RAB10: variants seen among roughly 807,000 people sequenced by gnomAD.
RAB10 encodes the protein RAB10, member RAS oncogene family.
A neutral mutation model predicts 25.7 loss-of-function variants in RAB10; 5 were observed. That is an observed-to-expected ratio of 0.19 (90% confidence interval 0.10 to 0.41). RAB10 has a LOEUF of 0.41. Among genes scored for constraint, RAB10 ranks in the 10% least tolerant of loss-of-function variants. RAB10 has a pLI of 1.00. For synonymous variants in RAB10, 89 were observed against 86.4 expected (o/e 1.03, Z -0.16); for missense variants, 103 against 245.8 (o/e 0.42, Z 3.89).
Position 26,135,141 on chromosome 2 carries a change from C to A in RAB10, c.*120C>A. On this transcript the variant is annotated 3_prime_UTR_variant, in exon 6 of 6. Coordinates refer to ENST00000264710, the MANE Select transcript of RAB10 (RefSeq NM_016131.5). Reference sequence around the variant, plus strand: ...ATTTTTGTTTCTCATCTTAACTATCCAAGCCACCTATTTTATTTGTTCTTT... The same window carrying A: ...ATTTTTGTTTCTCATCTTAACTATCAAAGCCACCTATTTTATTTGTTCTTT... 7.6e-6 allele frequency: 5 copies of A among 654,790 alleles called. No individual in the cohort carries two copies. The highest frequency in any genetic ancestry group is 1.2e-5 in the Non-Finnish European group (5 of 418,768). 40.6% of individuals were successfully genotyped at this position (654,790 alleles called of 1,614,324 possible). A position where few individuals can be genotyped will look rare whatever the true frequency, so the allele number is the denominator to read the frequency against.
chr2:26,075,243 T>C (rs11680699), intron 1 of RAB10, among the ~76,000 whole-genome samples: 1 of 152,314 alleles, frequency 6.6e-6, no homozygotes, highest in South Asian at 2.1e-4. Flanking sequence ...TCTCTTTTTT[T>C]CCCAGTCATA....
Position 26,135,059 on chromosome 2 carries a change from G to A in RAB10, c.*38G>A, listed in dbSNP as rs370145200. The A allele has an allele frequency of 2.0e-5, 30 of 1,515,830 alleles. No individual in the cohort carries two copies. The East Asian group carries it at 2.1e-4, about 10-fold the overall frequency. The allele number at this position is 1,515,830 out of a possible 1,614,324, so 93.9% of individuals were successfully genotyped here. On this transcript the variant is annotated 3_prime_UTR_variant, in exon 6 of 6. Coordinates refer to ENST00000264710, the MANE Select transcript of RAB10 (RefSeq NM_016131.5). ...TCCATCAGTTGCCATCCACTACCCC[G>A]TTTTCTCTTCTTGCTGCAAAATAAA...
intron 2 of RAB10, among the ~76,000 whole-genome samples, chr2:26,106,624 G>A (rs1183021845): frequency 1.3e-5 from 2 of 152,178 alleles, no homozygotes; most frequent in Non-Finnish European, 2.9e-5. Context: ...GGTGGCTCAC[G>A]CCTATAACCC....
chr2:26,083,781 A>G (rs776054128), intron 1 of RAB10, among the ~76,000 whole-genome samples: 6 of 152,134 alleles, frequency 3.9e-5, no homozygotes, highest in Non-Finnish European at 5.9e-5. Context: ...GGCCCCACAA[A>G]GTGCTGGGAT....
At chr2:26,121,865 C>T (rs1016306991) in intron 3 of RAB10, among the ~76,000 whole-genome samples, 7 of 152,124 alleles carry the variant, frequency 4.6e-5, no homozygotes, top group Admixed American at 1.3e-4. Context: ...TTGGTGAGCT[C>T]GTATGTTTCC....
In RAB10 at chr2:26,122,596, C is replaced by T. The variant is rs1452368667; in HGVS notation, c.328-4548C>T. Among the ~76,000 whole-genome samples the T allele has an allele frequency of 2.6e-5, 4 of 151,108 alleles. No individual in the cohort carries two copies. In the East Asian group the frequency reaches 7.8e-4, roughly 29 times the overall value. ...TGAGCTGAGATCACACCACTGCACT[C>T]CAGCCTGGGCGACAGAGCGACTCTG... On this transcript the variant is annotated intron_variant, in intron 3 of 5. Transcript: ENST00000264710.
intron 1 of RAB10, among the ~76,000 whole-genome samples, chr2:26,068,751 ACATATGG>A (rs1666563501): frequency 6.6e-6 from 1 of 152,220 alleles, no homozygotes; most frequent in African/African-American, 2.4e-5. Context: ...ACTCTGGTTA[ACATATGG>A]GCTGAGTCTT....
At position 26,034,767 on chromosome 2, in the gene RAB10, C is replaced by T. The variant is rs745499669; in HGVS notation, c.127+32C>T. The T allele has an allele frequency of 2.9e-5, 47 of 1,612,976 alleles. No individual in the cohort carries two copies. The African/African-American group carries it at 4.3e-4, about 15-fold the overall frequency. On this transcript the variant is annotated intron_variant, in intron 1 of 5. Transcript: ENST00000264710. The stretch of plus-strand genomic sequence containing the variant: ...CCTGTGGGAGGACGGTGTACGGTCT[C>T]GGTAGCTGCATACCGTTTATTTTAC...
chr2:26,118,930 C>T (rs911193104), intron 3 of RAB10, among the ~76,000 whole-genome samples: 16 of 151,942 alleles, frequency 1.1e-4, no homozygotes, highest in Non-Finnish European at 1.9e-4. Flanking sequence ...GTGTTTTTGC[C>T]GTAAGTGGTT....
chr2:26,052,684 T>C (rs576749616), intron 1 of RAB10, among the ~76,000 whole-genome samples: 1 of 152,246 alleles, frequency 6.6e-6, no homozygotes, highest in African/African-American at 2.4e-5. Flanking sequence ...AGTTTCATTG[T>C]ACACATTTGT....
intron 3 of RAB10, among the ~76,000 whole-genome samples, chr2:26,122,699 A>G (rs1204324742): frequency 6.6e-6 from 1 of 152,194 alleles, no homozygotes; most frequent in Non-Finnish European, 1.5e-5. Context: ...ATTATATGAC[A>G]ACTTAAAGCA....
At position 26,073,129 on chromosome 2, in the gene RAB10, T is replaced by C. The variant is rs563625023; in HGVS notation, c.128-25533T>C. 4.3e-4 allele frequency among the ~76,000 whole-genome samples: 65 copies of C among 152,326 alleles called. 2 individuals are homozygous for C. The South Asian group carries it at 0.013, about 30-fold the overall frequency. ...AAGAGATTTGGTGTGTATTGGTAGT[T>C]AGTGTCCCATCAGAAAAACAGGAAC... is the stretch of plus-strand genomic sequence containing the variant. On this transcript the variant is annotated intron_variant, in intron 1 of 5. Coordinates refer to ENST00000264710, the MANE Select transcript of RAB10 (RefSeq NM_016131.5).
chr2:26,065,320 T>C (rs1217462847), intron 1 of RAB10, among the ~76,000 whole-genome samples: 1 of 152,210 alleles, frequency 6.6e-6, no homozygotes, highest in Non-Finnish European at 1.5e-5. Flanking sequence ...TCCTTGTGTT[T>C]TTCTGGATTG....
At chr2:26,106,574 T>G (rs1256553882) in intron 2 of RAB10, among the ~76,000 whole-genome samples, 1 of 152,178 alleles carries the variant, frequency 6.6e-6, no homozygotes, top group Non-Finnish European at 1.5e-5. Context: ...TAACTCAAAA[T>G]GTACCATCGG....
chr2:26,034,126 A>G lies in RAB10; in HGVS notation c.-483A>G, dbSNP rs755238412. 24 of 403,826 alleles carry G rather than the reference A, an allele frequency of 5.9e-5. No homozygotes were observed. The highest frequency in any genetic ancestry group is 1.1e-4 in the South Asian group (1 of 8,748). The allele number at this position is 403,826 out of a possible 1,614,324, so 25.0% of individuals were successfully genotyped here. ...CGCCGGCGTGAGAGGGCACGGGGAA[A>G]AGGTGGCTCTGGCCGGGGTGGCTCG... On this transcript the variant is annotated 5_prime_UTR_variant, in exon 1 of 6. Transcript: ENST00000264710.
chr2:26,079,164 G>A (rs1381646071), intron 1 of RAB10, among the ~76,000 whole-genome samples: 1 of 152,138 alleles, frequency 6.6e-6, no homozygotes, highest in Non-Finnish European at 1.5e-5. Context: ...TCCAGGCTGG[G>A]CAACAGAGCA....
intron 3 of RAB10, among the ~76,000 whole-genome samples, chr2:26,115,557 A>G (rs1667666044): frequency 6.6e-6 from 1 of 152,188 alleles, no homozygotes; most frequent in Non-Finnish European, 1.5e-5. Context: ...AAGTAGATTC[A>G]TGATTGCCAG....
At chr2:26,070,685 C>T (rs1003828194) in intron 1 of RAB10, among the ~76,000 whole-genome samples, 11 of 152,072 alleles carry the variant, frequency 7.2e-5, no homozygotes, top group African/African-American at 2.4e-4. Flanking sequence ...ATTATAGAAA[C>T]ATTTGGATTT....
intron 5 of RAB10, 70 bp from the exon 6 acceptor site, chr2:26,134,868 C>T (rs1347110134): frequency 2.5e-6 from 3 of 1,211,768 alleles, no homozygotes; most frequent in Non-Finnish European, 1.2e-6. Flanking sequence ...TAAGAATATT[C>T]CTGTTGAATC....
Sources: gnomAD v4.1 joint callset for allele counts (sites outside exome capture counted in the v4.1 genomes callset) on GRCh38, gnomAD v4.1.1 for gene constraint, MANE v1.5 for transcripts, NCBI Gene and HGNC (gene_info 2026-07-23, HGNC 2026-07-21) for gene names.